Variants in VARS1 observed in about 807,000 individuals in gnomAD.
VARS1 encodes valine--tRNA ligase.
A neutral mutation model predicts 161.0 loss-of-function variants in VARS1; 92 were observed. The observed-to-expected ratio is 0.57, with a 90% CI of 0.48 to 0.68. The LOEUF is 0.68. Among genes scored for constraint, VARS1 ranks in the 30% least tolerant of loss-of-function variants. The pLI, the probability that VARS1 is intolerant of heterozygous loss-of-function variation, is 0.00. For synonymous variants in VARS1, 595 were observed against 682.5 expected (o/e 0.87, Z 2.00); for missense variants, 1,338 against 1,695.9 (o/e 0.79, Z 3.71).
Position 31,784,506 on chromosome 6 carries a change from T to C in VARS1, c.1468-4A>G, listed in dbSNP as rs1235962715. ...CTGTCAGCTCCTTCTTATCCACCTG[T>C]AAAATGGGTATTTAGAGGCGTGGCC... On this transcript the variant is annotated splice_region_variant and splice_polypyrimidine_tract_variant and intron_variant, in intron 11 of 29. Coordinates refer to ENST00000375663, the MANE Select transcript of VARS1 (RefSeq NM_006295.3). This position sits in a 1 kb window ranked among gnomAD's most constrained non-coding sequence, Gnocchi z 6.1. The C allele has an allele frequency of 1.2e-6, 2 of 1,613,968 alleles. No homozygotes were observed. Among genetic ancestry groups the C allele is most frequent in the Non-Finnish European group, 8.5e-7 (1 of 1,180,040 alleles).
In VARS1 at chr6:31,784,560, T is replaced by TTG. The variant is rs1294988396; in HGVS notation, c.1467+33_1467+34dup. 9.9e-6 allele frequency: 16 copies of TTG among 1,613,292 alleles called. No individual in the cohort carries two copies. The Admixed American group carries it at 2.7e-4, about 27-fold the overall frequency. Reference sequence around the variant, plus strand: ...GGGCCAGGGCCAGGGCCAGGGTAGATTGGAGATGGAGACAGGCCAGGTTGG... The same window carrying TTG: ...GGGCCAGGGCCAGGGCCAGGGTAGATTGTGGAGATGGAGACAGGCCAGGTTGG... On this transcript the variant is annotated intron_variant, in intron 11 of 29. Transcript: ENST00000375663. The surrounding 1 kb of genome is among the most constrained non-coding windows in gnomAD (Gnocchi z 6.1).
Position 31,782,122 on chromosome 6 carries a change from C to G in VARS1, c.2206G>C (p.Val736Leu). 1 of 1,613,872 alleles carries G rather than the reference C, an allele frequency of 6.2e-7. No individual in the cohort carries two copies. Among genetic ancestry groups the G allele is most frequent in the Non-Finnish European group, 8.5e-7 (1 of 1,179,918 alleles). Reference protein sequence around the residue: ...WWGHRIPAYFVTVSDPAVPPG... With the variant: ...WWGHRIPAYFLTVSDPAVPPG... ...GGCACCGCTGGGTCACTGACAGTGA[C>G]AAAGTAGGCTGGGATGCGATGGCCC... The change falls in exon 18 of 30, where the codon GTC (valine) becomes CTC (leucine). Residue 736 changes from valine (V) to leucine (L), a missense_variant. Coordinates refer to ENST00000375663, the MANE Select transcript of VARS1 (RefSeq NM_006295.3). This position sits in a 1 kb window ranked among gnomAD's most constrained non-coding sequence, Gnocchi z 8.3.
Position 31,795,162 on chromosome 6 carries a change from A to C in VARS1, c.56T>G (p.Leu19Arg). The C allele has an allele frequency of 6.8e-7, 1 of 1,479,990 alleles. No homozygotes were observed. The highest frequency in any genetic ancestry group is 9.0e-7 in the Non-Finnish European group (1 of 1,115,492). The allele number at this position is 1,479,990 out of a possible 1,614,324, so 91.7% of individuals were successfully genotyped here. A position where few individuals can be genotyped will look rare whatever the true frequency, so the allele number is the denominator to read the frequency against. Residue 19 changes from leucine to arginine, a missense_variant, in exon 2 of 30, where the codon CTC becomes CGC. By Grantham distance (102) the Leu-to-Arg change is moderately radical (BLOSUM62 -2). This residue lies in a region of VARS1 where 902 missense variants were observed against 1,090.3 expected (regional missense o/e 0.83). Coordinates refer to ENST00000375663, the MANE Select transcript of VARS1 (RefSeq NM_006295.3). The surrounding 1 kb of genome is among the most constrained non-coding windows in gnomAD (Gnocchi z 6.9). Reference sequence around the variant, plus strand: ...AGCCTCCCCATAGCGAGCGGCTATGAGGGCTCGGAGGCTGGGGAAGGCATC... The same window carrying C: ...AGCCTCCCCATAGCGAGCGGCTATGCGGGCTCGGAGGCTGGGGAAGGCATC... ...HPDAFPSLRA[L>R]IAARYGEAGE...
rs762976775 is a variant in VARS1 at position 31,782,786 on chromosome 6, C to T, written c.1822G>A (p.Gly608Arg). 2.0e-5 allele frequency: 33 copies of T among 1,612,886 alleles called. No homozygotes were observed. Among genetic ancestry groups the T allele is most frequent in the South Asian group, 1.6e-4 (15 of 91,080 alleles). ...QNDYEVGQRH[G>R]LEAISIMDSR... ...TCCATGATGCTGATGGCCTCCAGCC[C>T]GTGCCGCTGCCCAACTTCATAGTCA... is the stretch of plus-strand genomic sequence containing the variant. The change falls in exon 15 of 30, where the codon GGG becomes AGG. Residue 608 changes from glycine (G) to arginine (R), a missense_variant. Transcript: ENST00000375663. This position sits in a 1 kb window ranked among gnomAD's most constrained non-coding sequence, Gnocchi z 8.3.
Position 31,781,284 on chromosome 6 carries a change from C to A in VARS1, c.2545-161G>T. Reference sequence around the variant, plus strand: ...GCCTTTATGTGAATCAGAAGCACTCCTTCCTCTGGGAAGATGAAGCCCTGG... The same window carrying A: ...GCCTTTATGTGAATCAGAAGCACTCATTCCTCTGGGAAGATGAAGCCCTGG... On this transcript the variant is annotated intron_variant, in intron 21 of 29. Coordinates refer to ENST00000375663, the MANE Select transcript of VARS1 (RefSeq NM_006295.3). The surrounding 1 kb of genome is among the most constrained non-coding windows in gnomAD (Gnocchi z 6.8). The A allele has an allele frequency of 8.4e-7, 1 of 1,185,410 alleles. No homozygotes were observed. Among genetic ancestry groups the A allele is most frequent in the Non-Finnish European group, 1.2e-6 (1 of 848,338 alleles). The allele number at this position is 1,185,410 out of a possible 1,614,324, so 73.4% of individuals were successfully genotyped here. A position where few individuals can be genotyped will look rare whatever the true frequency, so the allele number is the denominator to read the frequency against.
At chr6:31,792,611 T>C in intron 4 of VARS1, 95 bp from the exon 5 acceptor site, 1 of 1,600,464 alleles carries the variant, frequency 6.2e-7, no homozygotes, top group Non-Finnish European at 8.5e-7. Flanking sequence ...ATGCCCGAGG[T>C]CTTGCCCATG....
In VARS1 at chr6:31,795,288, G is replaced by A. The variant is rs1814205237; in HGVS notation, c.-33-38C>T. On this transcript the variant is annotated intron_variant, in intron 1 of 29. Coordinates refer to ENST00000375663, the MANE Select transcript of VARS1 (RefSeq NM_006295.3). This position sits in a 1 kb window ranked among gnomAD's most constrained non-coding sequence, Gnocchi z 6.9. ...AGAGACAGGGGAAGACTGCGGGATCGAGGTGGGTCCTATGTTTGAGTAGAG... is the reference window on the plus strand; with the variant it reads ...AGAGACAGGGGAAGACTGCGGGATCAAGGTGGGTCCTATGTTTGAGTAGAG... 3 of 1,327,416 alleles carry A rather than the reference G, an allele frequency of 2.3e-6. No homozygotes were observed. Among genetic ancestry groups the A allele is most frequent in the Non-Finnish European group, 2.9e-6 (3 of 1,029,438 alleles). 82.2% of individuals were successfully genotyped at this position (1,327,416 alleles called of 1,614,324 possible).
Position 31,779,434 on chromosome 6 carries a change from G to T in VARS1, c.3391C>A (p.Arg1131=). The part of the protein sequence containing the change: ...LRADYNLTRI[R]PDCFLEVADE... ...GGGGCCTGAGGCTCACAGTCAGGCC[G>T]GATCCGGGTGAGGTTGTAGTCGGCC... Residue 1131 remains arginine (R), a synonymous_variant, in exon 28 of 30, where the codon CGG becomes AGG. Coordinates refer to ENST00000375663, the MANE Select transcript of VARS1 (RefSeq NM_006295.3). This position sits in a 1 kb window ranked among gnomAD's most constrained non-coding sequence, Gnocchi z 9.1. 1 of 1,611,890 alleles carries T rather than the reference G, an allele frequency of 6.2e-7. No individual in the cohort carries two copies.
chr6:31,786,742 T>TAA (rs903480617), intron 8 of VARS1, among the ~76,000 whole-genome samples: 1 of 150,186 alleles, frequency 6.7e-6, no homozygotes, highest in Non-Finnish European at 1.5e-5. Context: ...TTCTAATTGT[T>TAA]AAAATAAGTT....
intron 2 of VARS1, among the ~76,000 whole-genome samples, chr6:31,794,050 C>T (rs983465321): frequency 2.8e-5 from 4 of 143,562 alleles, no homozygotes; most frequent in Admixed American, 1.4e-4. Context: ...CGCACCATCG[C>T]ACCGTGGCAC....
At chr6:31,783,320 C>G in intron 13 of VARS1, 134 bp from the exon 14 acceptor site, 1 of 825,584 alleles carries the variant, frequency 1.2e-6, no homozygotes, top group Non-Finnish European at 1.9e-6. Flanking sequence ...GCCTGGCCAA[C>G]ATGGGGAAAC....
In VARS1 at chr6:31,784,838, G is replaced by A; in HGVS notation, c.1348-124C>T. 7.2e-7 allele frequency: 1 copy of A among 1,393,670 alleles called. No individual in the cohort carries two copies. The highest frequency in any genetic ancestry group is 1.3e-5 in the South Asian group (1 of 74,760). 86.3% of individuals were successfully genotyped at this position (1,393,670 alleles called of 1,614,324 possible). On this transcript the variant is annotated intron_variant, in intron 10 of 29. Coordinates refer to ENST00000375663, the MANE Select transcript of VARS1 (RefSeq NM_006295.3). The surrounding 1 kb of genome is among the most constrained non-coding windows in gnomAD (Gnocchi z 6.1). ...CACTGGCCAGCACAAAGACCCCTCT[G>A]AGGGGAGTACTTTCCTTCTTTCCTT...
chr6:31,793,231 G>C, intron 2 of VARS1, 111 bp from the exon 3 acceptor site: 2 of 1,380,534 alleles, frequency 1.4e-6, no homozygotes, highest in South Asian at 1.5e-5. Flanking sequence ...CACCACCTCT[G>C]AGTCCCATTT....
rs560113171 is a variant in VARS1, at chr6:31,783,818, C to A, written c.1671+396G>T. On this transcript the variant is annotated intron_variant, in intron 13 of 29. Coordinates refer to ENST00000375663, the MANE Select transcript of VARS1 (RefSeq NM_006295.3). Reference sequence around the variant, plus strand: ...CTGAGATTACAGGCACCCGCCACTACAACTGGCTAATTTTTTGTATTTTTA... The same window carrying A: ...CTGAGATTACAGGCACCCGCCACTAAAACTGGCTAATTTTTTGTATTTTTA... Among the ~76,000 whole-genome samples the A allele has an allele frequency of 2.0e-5, 3 of 152,218 alleles. No homozygotes were observed. In the South Asian group the frequency reaches 6.2e-4, roughly 32 times the overall value.
Position 31,785,402 on chromosome 6 carries a change from T to A in VARS1, c.1266-75A>T. On this transcript the variant is annotated intron_variant, in intron 9 of 29. Transcript: ENST00000375663. This position sits in a 1 kb window ranked among gnomAD's most constrained non-coding sequence, Gnocchi z 6.1. ...ACATCAGGTGGCTGACTGGGCAGTG[T>A]GGAGATCACCCATCCCCCTGAAATT... 6.3e-7 allele frequency: 1 copy of A among 1,587,334 alleles called. No individual in the cohort carries two copies. Among genetic ancestry groups the A allele is most frequent in the South Asian group, 1.1e-5 (1 of 89,560 alleles).
Position 31,791,796 on chromosome 6 carries a change from C to G in VARS1, c.973-59G>C. On this transcript the variant is annotated intron_variant, in intron 7 of 29. Transcript: ENST00000375663. This position sits in a 1 kb window ranked among gnomAD's most constrained non-coding sequence, Gnocchi z 5.0. Reference sequence around the variant, plus strand: ...CCTCAGGTCACCTCTCCCAGCCCCTCCCAGGCAACACATCCTTCAGTCCTG... The same window carrying G: ...CCTCAGGTCACCTCTCCCAGCCCCTGCCAGGCAACACATCCTTCAGTCCTG... 1 of 1,613,030 alleles carries G rather than the reference C, an allele frequency of 6.2e-7. No individual in the cohort carries two copies. The highest frequency in any genetic ancestry group is 1.3e-5 in the African/African-American group (1 of 75,046).
At position 31,785,504 on chromosome 6, in the gene VARS1, G is replaced by T; in HGVS notation, c.1265+65C>A. 6.5e-7 allele frequency: 1 copy of T among 1,531,916 alleles called. No individual in the cohort carries two copies. 94.9% of individuals were successfully genotyped at this position (1,531,916 alleles called of 1,614,324 possible). A position where few individuals can be genotyped will look rare whatever the true frequency, so the allele number is the denominator to read the frequency against. On this transcript the variant is annotated intron_variant, in intron 9 of 29. Coordinates refer to ENST00000375663, the MANE Select transcript of VARS1 (RefSeq NM_006295.3). The surrounding 1 kb of genome is among the most constrained non-coding windows in gnomAD (Gnocchi z 6.1). ...TGTGGCCAAGGGGTTACAGGTGACA[G>T]AGGTCTTCTGGATAGGGGACAGGGA...
intron 8 of VARS1, among the ~76,000 whole-genome samples, chr6:31,789,780 G>A (rs1229686523): frequency 6.6e-6 from 1 of 152,084 alleles, no homozygotes; most frequent in Non-Finnish European, 1.5e-5. Flanking sequence ...CAGCACTTTG[G>A]GAGTCCGAGG....
rs1010763404 is a variant in VARS1, at chr6:31,777,605, T to C, written c.3784A>G (p.Lys1262Glu). The C allele has an allele frequency of 6.2e-7, 1 of 1,614,074 alleles. No homozygotes were observed. The highest frequency in any genetic ancestry group is 1.1e-5 in the South Asian group (1 of 91,074). Reference protein sequence around the residue: ...KVDEAIALFQKML With the variant: ...KVDEAIALFQEML ...AGCTGGGTGGTGGATCACAGCATCT[T>C]CTGGAATAGGGCGATGGCCTCATCC... The change falls in exon 30 of 30, where the codon AAG becomes GAG. Residue 1262 changes from lysine to glutamate, a missense_variant. By Grantham distance (56) the Lys-to-Glu change is moderately conservative. This residue lies in a region of VARS1 where 433 missense variants were observed against 586.2 expected (regional missense o/e 0.74). Transcript: ENST00000375663. The surrounding 1 kb of genome is among the most constrained non-coding windows in gnomAD (Gnocchi z 5.8).
Sources: allele counts gnomAD v4.1 joint callset (sites outside exome capture counted in the v4.1 genomes callset), GRCh38; gene constraint gnomAD v4.1.1; regional missense constraint gnomAD v4.1.1; non-coding constraint Gnocchi (gnomAD v3.1); transcripts MANE v1.5; gene names NCBI Gene and HGNC (gene_info 2026-07-23, HGNC 2026-07-21).